Variants in DOCK7 observed in about 807,000 individuals in gnomAD.
DOCK7 encodes dedicator of cytokinesis 7.
Under a neutral mutation model 271.0 loss-of-function variants are expected in DOCK7, and 138 were observed. The ratio of observed to expected loss-of-function variants is 0.51; its 90% confidence interval spans 0.44 to 0.59. DOCK7 has a LOEUF of 0.59. Ranked by LOEUF, DOCK7 falls within the 20% of genes least tolerant of loss-of-function variation. The pLI is 0.00. For missense variants in DOCK7, 2,066 were observed against 2,592.4 expected (o/e 0.80, Z 4.41); for synonymous variants, 823 against 876.1 (o/e 0.94, Z 1.07).
chr1:62,467,975 C>T (rs1314999548), intron 48 of DOCK7, among the ~76,000 whole-genome samples: 1 of 152,114 alleles, frequency 6.6e-6, no homozygotes, highest in Non-Finnish European at 1.5e-5. Flanking sequence ...AAATGTGATA[C>T]ACCACAAAAA....
At chr1:62,550,521 C>T (rs1645861765) in intron 22 of DOCK7, among the ~76,000 whole-genome samples, 1 of 152,000 alleles carries the variant, frequency 6.6e-6, no homozygotes, top group African/African-American at 2.4e-5. Context: ...GATGGAGATA[C>T]AGAAATACAG....
At chr1:62,622,620 A>G (rs1306536999) in intron 12 of DOCK7, among the ~76,000 whole-genome samples, 1 of 151,992 alleles carries the variant, frequency 6.6e-6, no homozygotes, top group African/African-American at 2.4e-5. Context: ...TGGCCGGCTA[A>G]TATTTTTTAT....
At chr1:62,625,839 G>A (rs1318394651) in intron 11 of DOCK7, among the ~76,000 whole-genome samples, 1 of 152,150 alleles carries the variant, frequency 6.6e-6, no homozygotes, top group African/African-American at 2.4e-5. Flanking sequence ...CTAGACTGAA[G>A]ATTAACAAGG....
chr1:62,579,112 TA>T (rs1647032132), intron 16 of DOCK7, 146 bp from the exon 17 acceptor site: 17 of 774,086 alleles, frequency 2.2e-5, no homozygotes, highest in Admixed American at 3.8e-5. Context: ...CCCCAATCTC[TA>T]AATAACTAAA....
At chr1:62,459,975 C>G (rs1645467185) in intron 48 of DOCK7, among the ~76,000 whole-genome samples, 2 of 151,756 alleles carry the variant, frequency 1.3e-5, no homozygotes, top group Admixed American at 1.3e-4. Context: ...GTGGTGGGTG[C>G]CTGTAGTCCC....
rs571901264 is a variant in DOCK7, at chr1:62,512,348, G to A, written c.4282+1096C>T. 9.2e-5 allele frequency among the ~76,000 whole-genome samples: 14 copies of A among 152,190 alleles called. No homozygotes were observed. In the South Asian group the frequency reaches 2.1e-3, roughly 23 times the overall value. ...TATGTCACTTTAGAATTTACAAAACGTTTCTGCATGCATGGTTACTATAAA... is the reference window on the plus strand; with the variant it reads ...TATGTCACTTTAGAATTTACAAAACATTTCTGCATGCATGGTTACTATAAA... On this transcript the variant is annotated intron_variant, in intron 33 of 49. Coordinates refer to ENST00000635253, the MANE Select transcript of DOCK7 (RefSeq NM_001367561.1).
intron 11 of DOCK7, chr1:62,629,268 T>C (rs570988866): frequency 2.7e-4 from 41 of 152,182 alleles, no homozygotes; most frequent in African/African-American, 9.9e-4. Flanking sequence ...GGAAAAAAAA[T>C]GTCCACACGA....
At chr1:62,534,385 G>A (rs1196558693) in intron 29 of DOCK7, among the ~76,000 whole-genome samples, 4 of 152,074 alleles carry the variant, frequency 2.6e-5, no homozygotes, top group Admixed American at 6.5e-5. Context: ...AGGCCGAGGC[G>A]GGCTGATCAC....
At chr1:62,530,813 G>A (rs1276942267) in intron 29 of DOCK7, 6 of 153,082 alleles carry the variant, frequency 3.9e-5, no homozygotes, top group Middle Eastern at 1.1e-3. Flanking sequence ...TCCCTGTGCC[G>A]TAACTGCCGC....
At chr1:62,640,331 G>A (rs1376305163) in intron 7 of DOCK7, among the ~76,000 whole-genome samples, 3 of 152,056 alleles carry the variant, frequency 2.0e-5, no homozygotes, top group Non-Finnish European at 4.4e-5. Flanking sequence ...GGCCAACATG[G>A]CCAACATGGG....
intron 19 of DOCK7, among the ~76,000 whole-genome samples, chr1:62,559,447 T>G (rs1646251185): frequency 6.7e-6 from 1 of 149,786 alleles, no homozygotes; most frequent in Non-Finnish European, 1.5e-5. Flanking sequence ...TAATTAAGAT[T>G]TTTTTTTTTT....
chr1:62,538,180 T>C, intron 27 of DOCK7, 119 bp from the exon 28 acceptor site: 3 of 1,049,990 alleles, frequency 2.9e-6, no homozygotes, highest in Non-Finnish European at 2.7e-6. Context: ...TTGGGTTTTG[T>C]GGCTTAAGTA....
chr1:62,607,450 A>C (rs1158055993), intron 14 of DOCK7, among the ~76,000 whole-genome samples: 1 of 152,152 alleles, frequency 6.6e-6, no homozygotes, highest in Non-Finnish European at 1.5e-5. Flanking sequence ...AACGTCTCTT[A>C]ATCTTATAAG....
Position 62,504,754 on chromosome 1 carries a change from G to A in DOCK7, c.4640C>T (p.Thr1547Ile). 12 of 1,613,896 alleles carry A rather than the reference G, an allele frequency of 7.4e-6. No homozygotes were observed. The highest frequency in any genetic ancestry group is 1.0e-5 in the Non-Finnish European group (12 of 1,179,938). ...GAGGCATAAATCAGCACACTGCTCTGTCTCTTCTTCAAATAAGAGTTCAGG... is the reference window on the plus strand; with the variant it reads ...GAGGCATAAATCAGCACACTGCTCTATCTCTTCTTCAAATAAGAGTTCAGG... ...KFPELLFEEETEQCADLCLRL... is the reference protein window; with the variant it reads ...KFPELLFEEEIEQCADLCLRL... The change falls in exon 37 of 50, where the codon ACA becomes ATA. Residue 1547 changes from threonine to isoleucine, a missense_variant. By Grantham distance (89) the Thr-to-Ile change is moderately conservative. Around this residue, in one of 2 missense-constraint regions of DOCK7, gnomAD observed 652 missense variants for 922.1 expected, o/e 0.71. Coordinates refer to ENST00000635253, the MANE Select transcript of DOCK7 (RefSeq NM_001367561.1).
At chr1:62,614,437 T>C (rs570232778) in intron 14 of DOCK7, among the ~76,000 whole-genome samples, 14 of 152,126 alleles carry the variant, frequency 9.2e-5, no homozygotes, top group Admixed American at 5.9e-4. Context: ...ATGATTTGGT[T>C]TTAAGGTCCC....
intron 22 of DOCK7, among the ~76,000 whole-genome samples, chr1:62,550,886 A>C (rs376360915): frequency 6.6e-6 from 1 of 151,992 alleles, no homozygotes; most frequent in East Asian, 1.9e-4. Flanking sequence ...GTGCCTGGCT[A>C]ATTTTTGTAT....
chr1:62,595,262 T>C (rs970310464), intron 14 of DOCK7, among the ~76,000 whole-genome samples: 1 of 152,186 alleles, frequency 6.6e-6, no homozygotes, highest in African/African-American at 2.4e-5. Flanking sequence ...TGGGTACAAA[T>C]GCATTGATTA....
At chr1:62,601,232 T>C (rs1261071959) in intron 14 of DOCK7, 4 of 1,365,950 alleles carry the variant, frequency 2.9e-6, no homozygotes, top group Middle Eastern at 1.8e-4. Flanking sequence ...CTTGAAGCTA[T>C]TATTATCAAA....
At chr1:62,516,331 G>T (rs1010692361) in intron 31 of DOCK7, among the ~76,000 whole-genome samples, 4 of 152,100 alleles carry the variant, frequency 2.6e-5, no homozygotes, top group African/African-American at 9.7e-5. Flanking sequence ...TTAGTATCCA[G>T]AACAGTCTCA....
Sources: gnomAD v4.1 joint callset for allele counts (sites outside exome capture counted in the v4.1 genomes callset) on GRCh38, gnomAD v4.1.1 for gene constraint, gnomAD v4.1.1 regional missense constraint, MANE v1.5 for transcripts, NCBI Gene and HGNC (gene_info 2026-07-23, HGNC 2026-07-21) for gene names.